Variants in P2RY4 observed in about 807,000 individuals in gnomAD.
P2RY4 encodes P2Y purinoceptor 4.
For synonymous variants in P2RY4, 121 were observed against 131.6 expected (o/e 0.92, Z 0.55); for missense variants, 291 against 308.5 (o/e 0.94, Z 0.42).
chrX:70,258,537 T>C lies in P2RY4; in HGVS notation c.1088A>G (p.Asp363Gly). ...QDSSCSTPRADRL is the reference protein window; with the variant it reads ...QDSSCSTPRAGRL The stretch of plus-strand genomic sequence containing the variant: ...TCCCGGCTTCCCGTGTTACAATCTA[T>C]CTGCCCTAGGAGTAGAGCAGCTACT... Residue 363 changes from aspartate to glycine, a missense_variant, in exon 1 of 1, where the codon GAT becomes GGT. Asp to Gly is a moderately conservative substitution (Grantham distance 94). Coordinates refer to ENST00000374519, the MANE Select transcript of P2RY4 (RefSeq NM_002565.4). The C allele has an allele frequency of 1.7e-6, 2 of 1,187,878 alleles. No homozygotes were observed. Among genetic ancestry groups the C allele is most frequent in the Non-Finnish European group, 2.3e-6 (2 of 882,309 alleles).
rs2085587541 is a variant in P2RY4, at chrX:70,259,765, G to T, written c.-141C>A. On this transcript the variant is annotated 5_prime_UTR_variant, in exon 1 of 1. Coordinates refer to ENST00000374519, the MANE Select transcript of P2RY4 (RefSeq NM_002565.4). ...GGGAGAGCTGACAGAAGCGCATCTGGGTGCACTCAGGCTAGCCTGGCCCCT... is the reference window on the plus strand; with the variant it reads ...GGGAGAGCTGACAGAAGCGCATCTGTGTGCACTCAGGCTAGCCTGGCCCCT... 2 of 593,454 alleles carry T rather than the reference G, an allele frequency of 3.4e-6. No homozygotes were observed. The highest frequency in any genetic ancestry group is 6.4e-5 in the South Asian group (2 of 31,313). The allele number at this position is 593,454 out of a possible 1,213,427, so 48.9% of individuals were successfully genotyped here. A position where few individuals can be genotyped will look rare whatever the true frequency, so the allele number is the denominator to read the frequency against.
rs201893153 is a variant in P2RY4 at position 70,259,032 on chromosome X, A to G, written c.593T>C (p.Val198Ala). The change falls in exon 1 of 1, where the codon GTG (valine) becomes GCG (alanine). Residue 198 changes from valine (V) to alanine (A), a missense_variant. Val to Ala is a moderately conservative substitution (Grantham distance 64, BLOSUM62 0). Transcript: ENST00000374519. ...TTRPEEFDHY[V>A]HFSSAVMGLL... The stretch of plus-strand genomic sequence containing the variant: ...CCCCATGACCGCCGAGCTGAAGTGC[A>G]CATAGTGGTCAAACTCTTCAGGCCG... 8.3e-7 allele frequency: 1 copy of G among 1,212,027 alleles called. No homozygotes were observed. The highest frequency in any genetic ancestry group is 1.1e-6 in the Non-Finnish European group (1 of 895,410).
In P2RY4 at chrX:70,258,917, CTG is replaced by C; in HGVS notation, c.706_707del (p.Gln236ValfsTer41). The part of the protein sequence containing the change: ...RLYQPLPGSA[Q>X]SSSRLRSLRT... The stretch of plus-strand genomic sequence containing the variant: ...GGAGAGAGCGGAGGCGAGAAGACGA[CTG>C]TGCAGAGCCTGGCAAGGGCTGATAC... On this transcript the variant is annotated frameshift_variant, in exon 1 of 1. Coordinates refer to ENST00000374519, the MANE Select transcript of P2RY4 (RefSeq NM_002565.4). LOFTEE classifies it low-confidence loss of function (END_TRUNC). 8.3e-7 allele frequency: 1 copy of C among 1,211,448 alleles called. No homozygotes were observed. The highest frequency in any genetic ancestry group is 3.0e-5 in the East Asian group (1 of 33,814).
rs972606014 is a variant in P2RY4 at position 70,258,680 on chromosome X, A to G, written c.945T>C (p.Arg315=). 1.7e-6 allele frequency: 2 copies of G among 1,211,850 alleles called. No homozygotes were observed. The highest frequency in any genetic ancestry group is 2.2e-6 in the Non-Finnish European group (2 of 895,466). Residue 315 remains arginine (R), a synonymous_variant, in exon 1 of 1, where the codon CGT becomes CGC. Coordinates refer to ENST00000374519, the MANE Select transcript of P2RY4 (RefSeq NM_002565.4). ...LYLLTGDKYR[R]QLRQLCGGGK... is the part of the protein sequence containing the mutation. ...CACCACCACAGAGCTGACGGAGCTG[A>G]CGTCGATATTTGTCCCCAGTGAGCA...
Position 70,259,127 on chromosome X carries a change from G to C in P2RY4, c.498C>G (p.Cys166Trp). 3 of 1,212,241 alleles carry C rather than the reference G, an allele frequency of 2.5e-6. No homozygotes were observed. The highest frequency in any genetic ancestry group is 3.3e-6 in the Non-Finnish European group (3 of 895,638). The change falls in exon 1 of 1, where the codon TGC becomes TGG. Residue 166 changes from cysteine to tryptophan, a missense_variant. Cys to Trp is a radical substitution (Grantham distance 215). Coordinates refer to ENST00000374519, the MANE Select transcript of P2RY4 (RefSeq NM_002565.4). ...CLAVWLVVAG[C>W]LVPNLFFVTT... The stretch of plus-strand genomic sequence containing the variant: ...TGACAAAGAACAGGTTGGGCACGAG[G>C]CAGCCGGCTACGACCAACCAAACTG...
At position 70,259,454 on chromosome X, in the gene P2RY4, T is replaced by C. The variant is rs1356403852; in HGVS notation, c.171A>G (p.Leu57=). 1.7e-5 allele frequency: 20 copies of C among 1,211,223 alleles called. No individual in the cohort carries two copies. Among genetic ancestry groups the C allele is most frequent in the Non-Finnish European group, 2.2e-5 (20 of 894,996 alleles). The change falls in exon 1 of 1, where the codon CTA becomes CTG. Residue 57 remains leucine (L), a synonymous_variant. Transcript: ENST00000374519. ...VLGLGLNAPT[L]WLFIFRLRPW... ...GTCGGAGGCGGAAGATGAAGAGCCA[T>C]AGGGTTGGGGCGTTAAGGCCCAAGC... is the stretch of plus-strand genomic sequence containing the variant.
chrX:70,258,785 T>A lies in P2RY4; in HGVS notation c.840A>T (p.Val280=). The A allele has an allele frequency of 2.5e-6, 3 of 1,211,960 alleles. No individual in the cohort carries two copies. Among genetic ancestry groups the A allele is most frequent in the Non-Finnish European group, 3.4e-6 (3 of 895,496 alleles). The change falls in exon 1 of 1, where the codon GTA becomes GTT. Residue 280 remains valine (V), a synonymous_variant. Transcript: ENST00000374519. ...TATAGACCACGTTGACAATGTTCAG[T>A]ACTCGGCAGTCAGCTTCCAACAGCC... ...LARLLEADCR[V]LNIVNVVYKV...
chrX:70,260,005 T>C lies in P2RY4; in HGVS notation c.-381A>G, dbSNP rs1392570019. On this transcript the variant is annotated 5_prime_UTR_variant, in exon 1 of 1. Coordinates refer to ENST00000374519, the MANE Select transcript of P2RY4 (RefSeq NM_002565.4). ...CTTCTGACTCGTCATCACAGCTATATCCCTGGAAGAGGAGTGTCTCTCCCC... is the reference window on the plus strand; with the variant it reads ...CTTCTGACTCGTCATCACAGCTATACCCCTGGAAGAGGAGTGTCTCTCCCC... Among the ~76,000 whole-genome samples, 1 of 112,543 alleles carries C rather than the reference T, an allele frequency of 8.9e-6. No individual in the cohort carries two copies. The highest frequency in any genetic ancestry group is 3.2e-5 in the African/African-American group (1 of 31,003).
At position 70,258,942 on chromosome X, in the gene P2RY4, T is replaced by C. The variant is rs759745569; in HGVS notation, c.683A>G (p.Tyr228Cys). Residue 228 changes from tyrosine to cysteine, a missense_variant, in exon 1 of 1, where the codon TAT (tyrosine) becomes TGT (cysteine). Physicochemically the swap from Tyr to Cys is radical, Grantham distance 194. Transcript: ENST00000374519. ...VCYGLMARRL[Y>C]QPLPGSAQSS... ...CTGTGCAGAGCCTGGCAAGGGCTGA[T>C]ACAGGCGACGAGCCATGAGTCCATA... The C allele has an allele frequency of 8.3e-7, 1 of 1,209,064 alleles. No homozygotes were observed. The highest frequency in any genetic ancestry group is 1.7e-5 in the African/African-American group (1 of 57,615).
In P2RY4 at chrX:70,258,934, A is replaced by G. The variant is rs771029319; in HGVS notation, c.691T>C (p.Leu231=). 5 of 1,209,793 alleles carry G rather than the reference A, an allele frequency of 4.1e-6. No individual in the cohort carries two copies. The East Asian group carries it at 1.5e-4, about 36-fold the overall frequency. ...GAAGACGACTGTGCAGAGCCTGGCA[A>G]GGGCTGATACAGGCGACGAGCCATG... ...GLMARRLYQP[L]PGSAQSSSRL... Residue 231 remains leucine, a synonymous_variant, in exon 1 of 1, where the codon TTG becomes CTG. Transcript: ENST00000374519.
In P2RY4 at chrX:70,259,235, G is replaced by A. The variant is rs147684829; in HGVS notation, c.390C>T (p.Ser130=). ...YCSVLFLTCI[S]VHRYLGICHP... ...GGCAGATGCCCAGGTAGCGGTGCACGCTGATGCAGGTGAGGAAAAGGACAC... is the reference window on the plus strand; with the variant it reads ...GGCAGATGCCCAGGTAGCGGTGCACACTGATGCAGGTGAGGAAAAGGACAC... Residue 130 remains serine, a synonymous_variant, in exon 1 of 1, where the codon AGC becomes AGT. Transcript: ENST00000374519. 8.2e-6 allele frequency: 10 copies of A among 1,212,276 alleles called. No individual in the cohort carries two copies. The highest frequency in any genetic ancestry group is 1.8e-5 in the South Asian group (1 of 57,019).
Position 70,260,132 on chromosome X carries a change from T to A in P2RY4, c.-508A>T, listed in dbSNP as rs2085588816. 9.0e-6 allele frequency among the ~76,000 whole-genome samples: 1 copy of A among 111,527 alleles called. No homozygotes were observed. Among genetic ancestry groups the A allele is most frequent in the African/African-American group, 3.3e-5 (1 of 30,630 alleles). On this transcript the variant is annotated 5_prime_UTR_variant, in exon 1 of 1. Coordinates refer to ENST00000374519, the MANE Select transcript of P2RY4 (RefSeq NM_002565.4). ...CCTGCCTACAGCCCAGGAGCCCCAT[T>A]GCCACCCTTGCCCAAGAACGTTGGC...
At position 70,259,502 on chromosome X, in the gene P2RY4, G is replaced by A. The variant is rs1247335543; in HGVS notation, c.123C>T (p.Ser41=). The A allele has an allele frequency of 8.3e-6, 10 of 1,211,226 alleles. No homozygotes were observed. Among genetic ancestry groups the A allele is most frequent in the Non-Finnish European group, 1.0e-5 (9 of 895,070 alleles). ...EDFKFILLPV[S]YAVVFVLGLG... The stretch of plus-strand genomic sequence containing the variant: ...AGCCCAGCACAAAGACAACTGCATA[G>A]CTCACAGGCAGCAGGATGAACTTGA... Residue 41 remains serine (S), a synonymous_variant, in exon 1 of 1, where the codon AGC becomes AGT. Coordinates refer to ENST00000374519, the MANE Select transcript of P2RY4 (RefSeq NM_002565.4).
rs2085586229 is a variant in P2RY4 at position 70,259,535 on chromosome X, A to G, written c.90T>C (p.Asp30=). Residue 30 remains aspartate (D), a synonymous_variant, in exon 1 of 1, where the codon GAT becomes GAC. Transcript: ENST00000374519. Reference sequence around the variant, plus strand: ...GCAGCAGGATGAACTTGAAATCCTCATCAAACCAACAGTCCAGCTCCACCT... The same window carrying G: ...GCAGCAGGATGAACTTGAAATCCTCGTCAAACCAACAGTCCAGCTCCACCT... The part of the protein sequence containing the change: ...SSEVELDCWF[D]EDFKFILLPV... 2 of 1,208,416 alleles carry G rather than the reference A, an allele frequency of 1.7e-6. No individual in the cohort carries two copies. Among genetic ancestry groups the G allele is most frequent in the African/African-American group, 3.5e-5 (2 of 57,365 alleles).
Position 70,259,657 on chromosome X carries a change from G to A in P2RY4, c.-33C>T, listed in dbSNP as rs2085587034. 1 of 1,140,389 alleles carries A rather than the reference G, an allele frequency of 8.8e-7. No individual in the cohort carries two copies. The highest frequency in any genetic ancestry group is 1.8e-5 in the African/African-American group (1 of 55,392). 94.0% of individuals were successfully genotyped at this position (1,140,389 alleles called of 1,213,427 possible). ...CTGGAGATGGGAAGGGGAGAAGTGAGGGTGGCAGGATTTCCCTGCCCACCC... is the reference window on the plus strand; with the variant it reads ...CTGGAGATGGGAAGGGGAGAAGTGAAGGTGGCAGGATTTCCCTGCCCACCC... On this transcript the variant is annotated 5_prime_UTR_variant, in exon 1 of 1. Coordinates refer to ENST00000374519, the MANE Select transcript of P2RY4 (RefSeq NM_002565.4).
chrX:70,258,831 C>T lies in P2RY4; in HGVS notation c.794G>A (p.Arg265His), dbSNP rs1433523797. 8 of 1,209,587 alleles carry T rather than the reference C, an allele frequency of 6.6e-6. No individual in the cohort carries two copies. Among genetic ancestry groups the T allele is most frequent in the South Asian group, 1.8e-5 (1 of 56,693 alleles). Residue 265 changes from arginine to histidine, a missense_variant, in exon 1 of 1, where the codon CGC becomes CAC. Coordinates refer to ENST00000374519, the MANE Select transcript of P2RY4 (RefSeq NM_002565.4). ...CAGCCTGGCCAGGTAGTAAATGGTG[C>T]GGGTGATGTGGAAAGGCACGAAGCA... The part of the protein sequence containing the change: ...AVCFVPFHIT[R>H]TIYYLARLLE...
At position 70,259,060 on chromosome X, in the gene P2RY4, T is replaced by A. The variant is rs756648245; in HGVS notation, c.565A>T (p.Thr189Ser). Residue 189 changes from threonine (T) to serine (S), a missense_variant, in exon 1 of 1, where the codon ACT (threonine) becomes TCT (serine). Physicochemically the swap from Thr to Ser is moderately conservative, Grantham distance 58. Coordinates refer to ENST00000374519, the MANE Select transcript of P2RY4 (RefSeq NM_002565.4). ...TAGTGGTCAAACTCTTCAGGCCGAG[T>A]GGTGTCATGGCACAGGACGGTGGTC... Reference protein sequence around the residue: ...KGTTVLCHDTTRPEEFDHYVH... With the variant: ...KGTTVLCHDTSRPEEFDHYVH... The A allele has an allele frequency of 5.0e-6, 6 of 1,210,945 alleles. No individual in the cohort carries two copies. Among genetic ancestry groups the A allele is most frequent in the Non-Finnish European group, 6.7e-6 (6 of 895,158 alleles).
chrX:70,259,095 C>T lies in P2RY4; in HGVS notation c.530G>A (p.Ser177Asn), dbSNP rs745750168. Residue 177 changes from serine (S) to asparagine (N), a missense_variant, in exon 1 of 1, where the codon AGC becomes AAC. Transcript: ENST00000374519. ...LVPNLFFVTT[S>N]NKGTTVLCHD... ...GCACAGGACGGTGGTCCCTTTGTTG[C>T]TGGTTGTGACAAAGAACAGGTTGGG... The T allele has an allele frequency of 8.3e-7, 1 of 1,211,739 alleles. No homozygotes were observed. Among genetic ancestry groups the T allele is most frequent in the Non-Finnish European group, 1.1e-6 (1 of 895,494 alleles).
rs1009331848 is a variant in P2RY4, at chrX:70,258,978, G to C, written c.647C>G (p.Thr216Ser). Residue 216 changes from threonine (T) to serine (S), a missense_variant, in exon 1 of 1, where the codon ACT becomes AGT. By Grantham distance (58) the Thr-to-Ser change is moderately conservative. Transcript: ENST00000374519. The part of the protein sequence containing the change: ...GLLFGVPCLV[T>S]LVCYGLMARR... ...AGCCATGAGTCCATAGCAAACAAGA[G>C]TGACCAGGCAGGGCACGCCAAAGAG... The C allele has an allele frequency of 3.3e-6, 4 of 1,211,996 alleles. No homozygotes were observed. In the Admixed American group the frequency reaches 8.7e-5, roughly 26 times the overall value.
Sources: gnomAD v4.1 joint callset for allele counts (sites outside exome capture counted in the v4.1 genomes callset) on GRCh38, gnomAD v4.1.1 for gene constraint, MANE v1.5 for transcripts, NCBI Gene and HGNC (gene_info 2026-07-23, HGNC 2026-07-21) for gene names.